Variants in TRIM9 observed in about 807,000 individuals in gnomAD.
TRIM9 encodes E3 ubiquitin-protein ligase TRIM9.
In TRIM9, 26 loss-of-function variants were observed where a neutral mutation model predicts 78.3. That is an observed-to-expected ratio of 0.33 (90% CI 0.24 to 0.46). The LOEUF is 0.46. Ranked by LOEUF, TRIM9 falls within the 20% of genes least tolerant of loss-of-function variation. TRIM9 has a pLI of 1.00. For missense variants in TRIM9, 787 were observed against 1,036.4 expected (o/e 0.76, Z 3.30); for synonymous variants, 398 against 416.5 (o/e 0.96, Z 0.54).
Position 51,094,113 on chromosome 14 carries a change from C to A in TRIM9, c.822+5G>T, listed in dbSNP as rs1294636819. The stretch of plus-strand genomic sequence containing the variant: ...GAGTTAGGAGTGGGTTTTCTTAGGA[C>A]TCACCTTATGTAGTTTCCACATGGC... On this transcript the variant is annotated splice_donor_5th_base_variant and intron_variant, in intron 1 of 12. Transcript: ENST00000684578. 1 of 1,606,038 alleles carries A rather than the reference C, an allele frequency of 6.2e-7. No homozygotes were observed.
intron 1 of TRIM9, among the ~76,000 whole-genome samples, chr14:51,086,689 T>G (rs538871743): frequency 6.6e-6 from 1 of 152,244 alleles, no homozygotes; most frequent in South Asian, 2.1e-4. Flanking sequence ...AATACAGATA[T>G]GGACGCTATG....
At chr14:51,083,654 G>C (rs1322048345) in intron 1 of TRIM9, among the ~76,000 whole-genome samples, 5 of 151,796 alleles carry the variant, frequency 3.3e-5, no homozygotes. Flanking sequence ...AAATCTTGGA[G>C]TTACAAAATG....
At chr14:51,021,212 T>A (rs906571446) in intron 3 of TRIM9, among the ~76,000 whole-genome samples, 3 of 152,184 alleles carry the variant, frequency 2.0e-5, no homozygotes, top group African/African-American at 7.2e-5. Context: ...ACAGAAAACA[T>A]CCCTTGGTCC....
intron 1 of TRIM9, among the ~76,000 whole-genome samples, chr14:51,061,722 G>GT (rs979566729): frequency 3.3e-5 from 5 of 152,090 alleles, no homozygotes; most frequent in Non-Finnish European, 7.4e-5. Context: ...AGGTTCTTTT[G>GT]TTTTTTATTA....
Position 50,982,028 on chromosome 14 carries a change from C to T in TRIM9, c.1934G>A (p.Cys645Tyr), listed in dbSNP as rs2051986243. 4 of 1,614,162 alleles carry T rather than the reference C, an allele frequency of 2.5e-6. No individual in the cohort carries two copies. Among genetic ancestry groups the T allele is most frequent in the Non-Finnish European group, 3.4e-6 (4 of 1,180,032 alleles). ...ILSNDNLTVT[C>Y]SSYDDRVVLG... is the part of the protein sequence containing the mutation. ...CACCACCCGGTCATCATAGCTACTA[C>T]AGGTCACTGTCAGGTTGTCATTGGA... The change falls in exon 11 of 13, where the codon TGT (cysteine) becomes TAT (tyrosine). Residue 645 changes from cysteine (C) to tyrosine (Y), a missense_variant. By Grantham distance (194) the Cys-to-Tyr change is radical. Coordinates refer to ENST00000684578, the MANE Select transcript of TRIM9 (RefSeq NM_001387360.1).
At chr14:51,075,244 G>A (rs74932403) in intron 1 of TRIM9, among the ~76,000 whole-genome samples, 3,852 of 152,214 alleles carry the variant, frequency 0.025, 181 homozygotes, top group African/African-American at 0.088. Context: ...TTTAGCCACT[G>A]CTATTCTAGG....
intron 1 of TRIM9, among the ~76,000 whole-genome samples, chr14:51,080,648 C>G (rs1227613898): frequency 6.6e-6 from 1 of 152,098 alleles, no homozygotes; most frequent in Non-Finnish European, 1.5e-5. Context: ...TCCAGTGTCC[C>G]AATTCTATCC....
chr14:51,036,206 A>G (rs1379743216), intron 1 of TRIM9, among the ~76,000 whole-genome samples: 2 of 152,214 alleles, frequency 1.3e-5, no homozygotes, highest in African/African-American at 4.8e-5. Context: ...AAAAGCCAAC[A>G]TCTCTTCCAT....
At chr14:51,092,600 C>T (rs2064463508) in intron 1 of TRIM9, among the ~76,000 whole-genome samples, 1 of 152,152 alleles carries the variant, frequency 6.6e-6, no homozygotes, top group Non-Finnish European at 1.5e-5. Context: ...AAGCTCCTTC[C>T]AACCATCCTG....
At chr14:50,987,791 T>G (rs1470498076) in intron 7 of TRIM9, among the ~76,000 whole-genome samples, 1 of 151,964 alleles carries the variant, frequency 6.6e-6, no homozygotes, top group Non-Finnish European at 1.5e-5. Context: ...TTTATTTATT[T>G]ATTTATTTAG....
In TRIM9 at chr14:51,034,333, G is replaced by C. The variant is rs374869984; in HGVS notation, c.823-8973C>G. ...AGAATTTAGGCCTTAACTAGGAAAA[G>C]AGCAATAAGAAGTTTTTGAAAAAGG... On this transcript the variant is annotated intron_variant, in intron 1 of 12. Transcript: ENST00000684578. 1.4e-3 allele frequency among the ~76,000 whole-genome samples: 218 copies of C among 152,202 alleles called. 3 individuals are homozygous for C. Among genetic ancestry groups the C allele is most frequent in the African/African-American group, 5.0e-3 (208 of 41,526 alleles).
At position 50,982,108 on chromosome 14, in the gene TRIM9, G is replaced by C. The variant is rs373565283; in HGVS notation, c.1859-5C>G. The C allele has an allele frequency of 1.2e-6, 2 of 1,613,404 alleles. No homozygotes were observed. Among genetic ancestry groups the C allele is most frequent in the Non-Finnish European group, 1.7e-6 (2 of 1,179,466 alleles). ...GGTCGAAAGCAAACCAGGCCACTGG[G>C]AACAACAGAAGGGAATCAGGTTATT... On this transcript the variant is annotated splice_polypyrimidine_tract_variant and splice_region_variant and intron_variant, in intron 10 of 12. Coordinates refer to ENST00000684578, the MANE Select transcript of TRIM9 (RefSeq NM_001387360.1).
chr14:51,049,773 C>G (rs746042543), intron 1 of TRIM9, among the ~76,000 whole-genome samples: 1 of 150,336 alleles, frequency 6.7e-6, no homozygotes, highest in Non-Finnish European at 1.5e-5. Context: ...TGCAGTGAGC[C>G]GAGATTGCAC....
chr14:51,090,446 G>A (rs2064197345), intron 1 of TRIM9, among the ~76,000 whole-genome samples: 1 of 152,028 alleles, frequency 6.6e-6, no homozygotes, highest in African/African-American at 2.4e-5. Context: ...TGTTTAAATT[G>A]CAAATTTTCA....
chr14:51,088,910 G>C (rs1036767133), intron 1 of TRIM9: 21 of 150,078 alleles, frequency 1.4e-4, no homozygotes, highest in Admixed American at 4.7e-4. Flanking sequence ...ATTTACATGT[G>C]TTAATTCATA....
intron 3 of TRIM9, among the ~76,000 whole-genome samples, chr14:51,013,197 G>A (rs946276555): frequency 2.7e-5 from 4 of 150,000 alleles, no homozygotes; most frequent in African/African-American, 4.9e-5. Flanking sequence ...GTCATTTTTG[G>A]ATATGGAGTT....
rs182742308 is a variant in TRIM9, at chr14:51,055,074, G to C, written c.823-29714C>G. On this transcript the variant is annotated intron_variant, in intron 1 of 12. Coordinates refer to ENST00000684578, the MANE Select transcript of TRIM9 (RefSeq NM_001387360.1). ...CTTGACCTCGTGATCCGTCCGCCTC[G>C]GCCTCCCAAAGTGCTGGGATTACAG... 1.1e-4 allele frequency among the ~76,000 whole-genome samples: 16 copies of C among 151,930 alleles called. No homozygotes were observed. In the South Asian group the frequency reaches 1.9e-3, roughly 18 times the overall value.
chr14:51,029,699 C>A (rs2058563488), intron 1 of TRIM9, among the ~76,000 whole-genome samples: 1 of 150,596 alleles, frequency 6.6e-6, no homozygotes, highest in Non-Finnish European at 1.5e-5. Flanking sequence ...TCTTATGAGC[C>A]AGGAACTCTG....
At chr14:51,085,686 G>A (rs986865120) in intron 1 of TRIM9, among the ~76,000 whole-genome samples, 4 of 152,144 alleles carry the variant, frequency 2.6e-5, no homozygotes, top group African/African-American at 4.8e-5. Flanking sequence ...TAGAAATAAA[G>A]ATACTTAAAA....
Sources: gnomAD v4.1 joint callset for allele counts (sites outside exome capture counted in the v4.1 genomes callset) on GRCh38, gnomAD v4.1.1 for gene constraint, MANE v1.5 for transcripts, NCBI Gene and HGNC (gene_info 2026-07-23, HGNC 2026-07-21) for gene names.